GMPS: variants seen among roughly 807,000 people sequenced by gnomAD.
The protein encoded by GMPS is GMP synthase [glutamine-hydrolyzing].
Under a neutral mutation model 77.9 loss-of-function variants are expected in GMPS, and 15 were observed. That is an observed-to-expected ratio of 0.19 (90% CI 0.13 to 0.30). The LOEUF (loss-of-function observed/expected upper bound fraction) is 0.30, where lower values mean the gene tolerates loss of function less well. Ranked by LOEUF, GMPS falls within the 10% of genes least tolerant of loss-of-function variation. GMPS has a pLI of 1.00. For synonymous variants in GMPS, 224 were observed against 275.9 expected, an observed-to-expected ratio of 0.81 and a Z score of 1.86; for missense variants, 590 against 838.8, an observed-to-expected ratio of 0.70 and a Z score of 3.66.
In GMPS at chr3:155,940,778, A is replaced by G. The variant is rs1577542651; in HGVS notation, c.*3086A>G. The G allele has an allele frequency of 2.3e-5, 5 of 215,614 alleles. No individual in the cohort carries two copies. The East Asian group carries it at 3.4e-4, about 15-fold the overall frequency. 13.4% of individuals were successfully genotyped at this position (215,614 alleles called of 1,614,324 possible). ...TTTTTTAAGGTTCTTTTATCATCAG[A>G]TATGACACAAAGGGAAACATCAAAA... On this transcript the variant is annotated 3_prime_UTR_variant, in exon 16 of 16. Transcript: ENST00000496455.
At chr3:155,880,983 A>T (rs1289518749) in intron 1 of GMPS, among the ~76,000 whole-genome samples, 18 of 152,086 alleles carry the variant, frequency 1.2e-4, no homozygotes, top group Admixed American at 1.2e-3. Flanking sequence ...AAAGTCACCG[A>T]GAGATGACCA....
At chr3:155,924,828 TTAC>T (rs1755409181) in intron 11 of GMPS, among the ~76,000 whole-genome samples, 1 of 152,034 alleles carries the variant, frequency 6.6e-6, no homozygotes. Flanking sequence ...ACAACAGGCA[TTAC>T]TAATACCTAG....
chr3:155,900,891 A>C (rs913752328), intron 3 of GMPS, among the ~76,000 whole-genome samples: 3 of 152,068 alleles, frequency 2.0e-5, no homozygotes, highest in Admixed American at 6.6e-5. Flanking sequence ...TAATTTTAGG[A>C]CCTAAGTGTA....
At chr3:155,894,982 C>G (rs1754565747) in intron 2 of GMPS, among the ~76,000 whole-genome samples, 1 of 152,148 alleles carries the variant, frequency 6.6e-6, no homozygotes, top group Non-Finnish European at 1.5e-5. Flanking sequence ...AATCTGAATG[C>G]CTCTCTGTCA....
chr3:155,938,170 A>G lies in GMPS; in HGVS notation c.*478A>G, dbSNP rs1755805105. On this transcript the variant is annotated 3_prime_UTR_variant, in exon 16 of 16. Transcript: ENST00000496455. The stretch of plus-strand genomic sequence containing the variant: ...CAAAGGGTGAAAAAGAGATGAACAT[A>G]TCAGATAAAGGTATAGGTGGGCTAT... 9.0e-6 allele frequency: 2 copies of G among 222,672 alleles called. No individual in the cohort carries two copies. Among genetic ancestry groups the G allele is most frequent in the South Asian group, 1.8e-4 (1 of 5,488 alleles). 13.8% of individuals were successfully genotyped at this position (222,672 alleles called of 1,614,324 possible). A position where few individuals can be genotyped will look rare whatever the true frequency, so the allele number is the denominator to read the frequency against.
intron 1 of GMPS, among the ~76,000 whole-genome samples, chr3:155,875,279 G>A (rs542952029): frequency 6.6e-6 from 1 of 152,276 alleles, no homozygotes; most frequent in African/African-American, 2.4e-5. Context: ...CACCCAGGCT[G>A]GAGTGCAGTG....
At chr3:155,917,920 T>A (rs1755226883) in intron 9 of GMPS, among the ~76,000 whole-genome samples, 1 of 152,158 alleles carries the variant, frequency 6.6e-6, no homozygotes, top group African/African-American at 2.4e-5. Flanking sequence ...TACTACTATA[T>A]GTATATAACA....
At chr3:155,921,662 G>A (rs1405741191) in intron 10 of GMPS, among the ~76,000 whole-genome samples, 9 of 152,018 alleles carry the variant, frequency 5.9e-5, no homozygotes, top group African/African-American at 1.9e-4. Flanking sequence ...CATGGCTGCC[G>A]GTGCTTGTAA....
intron 13 of GMPS, among the ~76,000 whole-genome samples, chr3:155,934,568 T>C (rs1263524925): frequency 6.6e-6 from 1 of 152,202 alleles, no homozygotes; most frequent in Non-Finnish European, 1.5e-5. Flanking sequence ...GCAAAGACCC[T>C]TTTTCTCCCC....
intron 6 of GMPS, 30 bp from the exon 7 acceptor site, chr3:155,911,084 C>T (rs1755025344): frequency 1.9e-6 from 3 of 1,541,374 alleles, no homozygotes; most frequent in South Asian, 1.2e-5. Flanking sequence ...GCTTGTTTTG[C>T]TCATTTTGAT....
At position 155,941,287 on chromosome 3, in the gene GMPS, C is replaced by G. The variant is rs1341091484; in HGVS notation, c.*3595C>G. On this transcript the variant is annotated 3_prime_UTR_variant, in exon 16 of 16. Coordinates refer to ENST00000496455, the MANE Select transcript of GMPS (RefSeq NM_003875.3). ...GGCGCGGTGGCGGGTGCCTGTAGTCCCAGCTACTCGGGAGGCTGAGGCAGG... is the reference window on the plus strand; with the variant it reads ...GGCGCGGTGGCGGGTGCCTGTAGTCGCAGCTACTCGGGAGGCTGAGGCAGG... 1.1e-5 allele frequency: 2 copies of G among 177,148 alleles called. No individual in the cohort carries two copies. Among genetic ancestry groups the G allele is most frequent in the Non-Finnish European group, 2.4e-5 (2 of 82,516 alleles). 11.0% of individuals were successfully genotyped at this position (177,148 alleles called of 1,614,324 possible). A position where few individuals can be genotyped will look rare whatever the true frequency, so the allele number is the denominator to read the frequency against.
In GMPS at chr3:155,919,266, A is replaced by G; in HGVS notation, c.1246A>G (p.Lys416Glu). The change falls in exon 10 of 16, where the codon AAA (lysine) becomes GAA (glutamate). Residue 416 changes from lysine to glutamate, a missense_variant. By Grantham distance (56) the Lys-to-Glu change is moderately conservative (BLOSUM62 1). Coordinates refer to ENST00000496455, the MANE Select transcript of GMPS (RefSeq NM_003875.3). ...KVIEPLKDFH[K>E]DEVRILGREL... ...AATAGAACCTCTGAAAGATTTTCAT[A>G]AAGATGAAGTGAGAATTTTGGGCAG... The G allele has an allele frequency of 6.3e-7, 1 of 1,589,978 alleles. No homozygotes were observed. Among genetic ancestry groups the G allele is most frequent in the Non-Finnish European group, 8.6e-7 (1 of 1,164,770 alleles).
At chr3:155,875,515 C>G (rs966817344) in intron 1 of GMPS, among the ~76,000 whole-genome samples, 1 of 152,216 alleles carries the variant, frequency 6.6e-6, no homozygotes, top group Non-Finnish European at 1.5e-5. Flanking sequence ...TAGGCGTGAG[C>G]CATTGTGTCC....
chr3:155,918,574 C>T (rs1423270154), intron 9 of GMPS, among the ~76,000 whole-genome samples: 6 of 152,082 alleles, frequency 3.9e-5, no homozygotes, highest in Non-Finnish European at 8.8e-5. Context: ...GCTTATTGGC[C>T]ATTTGTGTAT....
intron 4 of GMPS, among the ~76,000 whole-genome samples, chr3:155,905,335 C>G (rs868414461): frequency 6.6e-6 from 1 of 152,204 alleles, no homozygotes; most frequent in African/African-American, 2.4e-5. Context: ...AGTTCTTAGT[C>G]AGATTTTCCA....
intron 1 of GMPS, among the ~76,000 whole-genome samples, chr3:155,879,825 G>T (rs765450407): frequency 6.8e-6 from 1 of 146,220 alleles, no homozygotes; most frequent in Non-Finnish European, 1.5e-5. Flanking sequence ...CCACCTCCTG[G>T]GTTCAAGCAA....
intron 9 of GMPS, among the ~76,000 whole-genome samples, chr3:155,918,446 T>C (rs1426566481): frequency 6.6e-6 from 1 of 152,222 alleles, no homozygotes; most frequent in Non-Finnish European, 1.5e-5. Flanking sequence ...AGCGAGACTC[T>C]GTCTTAAAAA....
upstream of GMPS, chr3:155,870,520 G>T (rs930258864): frequency 4.3e-6 from 1 of 233,982 alleles, no homozygotes; most frequent in Non-Finnish European, 8.4e-6. Flanking sequence ...GCCGGGCGCC[G>T]CGAGCCCCTC....
At position 155,896,751 on chromosome 3, in the gene GMPS, T is replaced by TTTTA. The variant is rs369655100; in HGVS notation, c.210-1175_210-1174insTTAT. Among the ~76,000 whole-genome samples, 155 of 125,910 alleles carry TTTTA rather than the reference T, an allele frequency of 1.2e-3. 1 individual carries two copies. Among genetic ancestry groups the TTTTA allele is most frequent in the Middle Eastern group, 4.9e-3 (1 of 206 alleles). 82.6% of individuals were successfully genotyped at this position (125,910 alleles called of 152,430 possible). A position where few individuals can be genotyped will look rare whatever the true frequency, so the allele number is the denominator to read the frequency against. Reference sequence around the variant, plus strand: ...GAGATTTTTTTTTTTTTTTTTTTTTTTATAAATTTGACTTATGTTGTATTG... The same window carrying TTTTA: ...GAGATTTTTTTTTTTTTTTTTTTTTTTTTATATAAATTTGACTTATGTTGTATTG... On this transcript the variant is annotated intron_variant, in intron 2 of 15. Coordinates refer to ENST00000496455, the MANE Select transcript of GMPS (RefSeq NM_003875.3).
Sources: gnomAD v4.1 joint callset for allele counts (sites outside exome capture counted in the v4.1 genomes callset) on GRCh38, gnomAD v4.1.1 for gene constraint, MANE v1.5 for transcripts, NCBI Gene and HGNC (gene_info 2026-07-23, HGNC 2026-07-21) for gene names.